Variants in PDE10A observed in about 807,000 individuals in gnomAD.
PDE10A encodes the protein phosphodiesterase 10A.
Under a neutral mutation model 97.7 loss-of-function variants are expected in PDE10A, and 39 were observed. The observed-to-expected ratio is 0.40, with a 90% CI of 0.31 to 0.52. The LOEUF is 0.52. Ranked by LOEUF, PDE10A falls within the 20% of genes least tolerant of loss-of-function variation. The pLI is 0.56. For missense variants in PDE10A, 731 were observed against 1,047.8 expected, an observed-to-expected ratio of 0.70 and a Z score of 4.17; for synonymous variants, 371 against 376.8, an observed-to-expected ratio of 0.98 and a Z score of 0.18.
intron 1 of PDE10A, among the ~76,000 whole-genome samples, chr6:165,883,385 A>G (rs987988344): frequency 2.0e-5 from 3 of 151,888 alleles, no homozygotes; most frequent in Non-Finnish European, 2.9e-5. Flanking sequence ...TCTACCAAGA[A>G]TACAAAAATG....
At chr6:165,675,438 G>A (rs1016147255) in intron 1 of PDE10A, among the ~76,000 whole-genome samples, 2 of 152,132 alleles carry the variant, frequency 1.3e-5, no homozygotes, top group Non-Finnish European at 2.9e-5. Flanking sequence ...TCTTGGTATT[G>A]AGAAAGAGAA....
intron 3 of PDE10A, among the ~76,000 whole-genome samples, chr6:165,469,344 G>A (rs779074350): frequency 4.6e-5 from 7 of 152,210 alleles, no homozygotes; most frequent in Non-Finnish European, 8.8e-5. Flanking sequence ...ATTAGGTAGA[G>A]AAGTGTTTTA....
chr6:165,929,669 T>C (rs564593652), intron 1 of PDE10A, among the ~76,000 whole-genome samples: 12 of 152,314 alleles, frequency 7.9e-5, no homozygotes, highest in African/African-American at 2.6e-4. Context: ...CCTACCAGAT[T>C]TGGATAAACA....
chr6:165,523,983 C>A (rs937631500), intron 2 of PDE10A, among the ~76,000 whole-genome samples: 5 of 152,072 alleles, frequency 3.3e-5, no homozygotes, highest in East Asian at 1.9e-4. Flanking sequence ...CAGCTTCCAG[C>A]GAATATAAAG....
intron 1 of PDE10A, among the ~76,000 whole-genome samples, chr6:165,683,651 C>G (rs564034465): frequency 6.6e-6 from 1 of 152,108 alleles, no homozygotes; most frequent in Non-Finnish European, 1.5e-5. Context: ...CCTCCCTGAC[C>G]GTGTGAGGTA....
chr6:165,384,666 GTGTAT>G (rs1310582803), intron 17 of PDE10A, among the ~76,000 whole-genome samples: 1 of 51,442 alleles, frequency 1.9e-5, no homozygotes, highest in African/African-American at 1.2e-4. Context: ...GTGTGTGTGT[GTGTAT>G]GGGGGGGGGC....
intron 1 of PDE10A, among the ~76,000 whole-genome samples, chr6:165,897,407 C>T (rs1296587210): frequency 1.3e-5 from 2 of 151,918 alleles, no homozygotes; most frequent in Non-Finnish European, 2.9e-5. Context: ...GAGTGGGCAC[C>T]ATCCAGTATT....
chr6:165,819,619 G>C lies in PDE10A; in HGVS notation c.-615+167910C>G, dbSNP rs1779513475. ...TTGCCGGACACAGTCAGGCAGAGCCGGTTGCTCCTCCCCTGGTTTCCGTGG... is the reference window on the plus strand; with the variant it reads ...TTGCCGGACACAGTCAGGCAGAGCCCGTTGCTCCTCCCCTGGTTTCCGTGG... On this transcript the variant is annotated intron_variant, in intron 1 of 19. Transcript: ENST00000366882. The surrounding 1 kb of genome is among the most constrained non-coding windows in gnomAD (Gnocchi z 4.2). 6.6e-6 allele frequency among the ~76,000 whole-genome samples: 1 copy of C among 152,152 alleles called. No individual in the cohort carries two copies. The highest frequency in any genetic ancestry group is 6.5e-5 in the Admixed American group (1 of 15,278).
intron 1 of PDE10A, among the ~76,000 whole-genome samples, chr6:165,668,682 AAAAG>A (rs1790556942): frequency 6.6e-6 from 1 of 151,882 alleles, no homozygotes; most frequent in Non-Finnish European, 1.5e-5. Context: ...AAATAAAAGA[AAAAG>A]AAAGGAAAGG....
intron 1 of PDE10A, among the ~76,000 whole-genome samples, chr6:165,556,625 A>G (rs1014921227): frequency 2.0e-5 from 3 of 152,210 alleles, no homozygotes; most frequent in Admixed American, 6.5e-5. Flanking sequence ...GTGCTGGACA[A>G]TAGCCATGAA....
chr6:165,405,052 G>A (rs931488541), intron 13 of PDE10A, among the ~76,000 whole-genome samples: 87 of 150,836 alleles, frequency 5.8e-4, no homozygotes, highest in Non-Finnish European at 8.7e-4. Context: ...CCTCTAACGT[G>A]TTTCAGTGGA....
intron 1 of PDE10A, among the ~76,000 whole-genome samples, chr6:165,786,585 C>T (rs937647318): frequency 6.6e-6 from 1 of 152,128 alleles, no homozygotes; most frequent in Non-Finnish European, 1.5e-5. Flanking sequence ...TTTTAGAATA[C>T]AAAGATGACA....
intron 1 of PDE10A, among the ~76,000 whole-genome samples, chr6:165,915,315 A>T (rs965530003): frequency 3.9e-5 from 6 of 152,202 alleles, no homozygotes; most frequent in South Asian, 2.1e-4. Context: ...AACGATTTTT[A>T]AAAAATTGAA....
At chr6:165,567,053 C>T (rs1444437508) in intron 1 of PDE10A, among the ~76,000 whole-genome samples, 1 of 152,122 alleles carries the variant, frequency 6.6e-6, no homozygotes, top group Admixed American at 6.5e-5. Flanking sequence ...ACCAAATATC[C>T]GTCAACATTA....
Position 165,558,213 on chromosome 6 carries a change from G to A in PDE10A, c.866-14645C>T, listed in dbSNP as rs369539128. ...AGACTTGGAACCAACCCAAATGTCCGTCAATGACAGACTGGATAAAGAAAA... is the reference window on the plus strand; with the variant it reads ...AGACTTGGAACCAACCCAAATGTCCATCAATGACAGACTGGATAAAGAAAA... On this transcript the variant is annotated intron_variant, in intron 1 of 21. Transcript: ENST00000539869. 9.4e-4 allele frequency among the ~76,000 whole-genome samples: 143 copies of A among 152,228 alleles called. No homozygotes were observed. In the East Asian group the frequency reaches 0.01, roughly 11 times the overall value.
At chr6:165,458,667 A>ACG (rs1394045177) in intron 3 of PDE10A, among the ~76,000 whole-genome samples, 2 of 151,100 alleles carry the variant, frequency 1.3e-5, no homozygotes, top group African/African-American at 2.5e-5. Flanking sequence ...GGACAGGCGC[A>ACG]CGCACACACA....
chr6:165,610,423 T>C (rs1045796888), intron 1 of PDE10A, among the ~76,000 whole-genome samples: 3 of 150,092 alleles, frequency 2.0e-5, no homozygotes, highest in African/African-American at 7.4e-5. Flanking sequence ...CCCAGCTACT[T>C]GGGAGGCTGA....
chr6:165,553,366 T>G (rs554330290), intron 1 of PDE10A, among the ~76,000 whole-genome samples: 1 of 152,308 alleles, frequency 6.6e-6, no homozygotes, highest in South Asian at 2.1e-4. Flanking sequence ...GAGATGTTTC[T>G]TTAGATTTTG....
chr6:165,708,702 T>C (rs1211325378), intron 1 of PDE10A, among the ~76,000 whole-genome samples: 8 of 142,610 alleles, frequency 5.6e-5, no homozygotes, highest in East Asian at 2.2e-4. Flanking sequence ...TGCGCTCTCC[T>C]CACCACTCTC....
Sources: allele counts gnomAD v4.1 joint callset (sites outside exome capture counted in the v4.1 genomes callset), GRCh38; gene constraint gnomAD v4.1.1; non-coding constraint Gnocchi (gnomAD v3.1); transcripts MANE v1.5; gene names NCBI Gene and HGNC (gene_info 2026-07-23, HGNC 2026-07-21).